LRRC7: variants seen among roughly 807,000 people sequenced by gnomAD.
The protein encoded by LRRC7 is leucine-rich repeat-containing protein 7.
In LRRC7, 23 loss-of-function variants were observed where a neutral mutation model predicts 175.7. That is an observed-to-expected ratio of 0.13 (90% CI 0.09 to 0.19). The LOEUF (loss-of-function observed/expected upper bound fraction) is 0.19, where lower values mean the gene tolerates loss of function less well. Among genes scored for constraint, LRRC7 ranks in the 10% least tolerant of loss-of-function variants. LRRC7 has a pLI of 1.00. For missense variants in LRRC7, 1,354 were observed against 1,904.7 expected (o/e 0.71, Z 5.38); for synonymous variants, 685 against 680.9 (o/e 1.01, Z -0.09).
chr1:69,730,465 T>C (rs1667451187), intron 2 of LRRC7, among the ~76,000 whole-genome samples: 1 of 152,162 alleles, frequency 6.6e-6, no homozygotes, highest in African/African-American at 2.4e-5. Context: ...AGGGACAAAA[T>C]GCCACCAGTC....
chr1:69,810,436 T>G (rs1208624317), intron 4 of LRRC7, among the ~76,000 whole-genome samples: 1 of 152,048 alleles, frequency 6.6e-6, no homozygotes, highest in Non-Finnish European at 1.5e-5. Flanking sequence ...AAATTTCATA[T>G]GGAAACAAAA....
intron 1 of LRRC7, among the ~76,000 whole-genome samples, chr1:69,647,799 C>T (rs1655215357): frequency 1.3e-5 from 2 of 152,106 alleles, no homozygotes; most frequent in Non-Finnish European, 2.9e-5. Flanking sequence ...CTTTAGACTA[C>T]ATGCTACATA....
At chr1:69,620,808 A>T (rs914346200) in intron 1 of LRRC7, among the ~76,000 whole-genome samples, 1 of 152,100 alleles carries the variant, frequency 6.6e-6, no homozygotes, top group Non-Finnish European at 1.5e-5. Flanking sequence ...ATGTAAATGC[A>T]CTTTGTTGAA....
At chr1:69,935,127 T>A (rs183062953) in intron 8 of LRRC7, among the ~76,000 whole-genome samples, 1 of 152,278 alleles carries the variant, frequency 6.6e-6, no homozygotes, top group East Asian at 1.9e-4. Flanking sequence ...TGACCCACAG[T>A]GGCAATGGGT....
chr1:69,841,530 A>G (rs1681728262), intron 7 of LRRC7, among the ~76,000 whole-genome samples: 1 of 152,112 alleles, frequency 6.6e-6, no homozygotes, highest in African/African-American at 2.4e-5. Context: ...CAATGCTGAC[A>G]TATACCAAAT....
chr1:69,865,879 A>G (rs1684901391), intron 7 of LRRC7, among the ~76,000 whole-genome samples: 1 of 152,202 alleles, frequency 6.6e-6, no homozygotes, highest in Admixed American at 6.5e-5. Context: ...CAGATTCACC[A>G]GCAGTAATGA....
intron 2 of LRRC7, among the ~76,000 whole-genome samples, chr1:69,704,612 C>A (rs1663789747): frequency 6.6e-6 from 1 of 151,760 alleles, no homozygotes; most frequent in African/African-American, 2.4e-5. Flanking sequence ...AGGGAACATA[C>A]TAAATTATTA....
chr1:69,807,040 C>A (rs574971619), intron 4 of LRRC7, among the ~76,000 whole-genome samples: 1 of 152,096 alleles, frequency 6.6e-6, no homozygotes, highest in Non-Finnish European at 1.5e-5. Context: ...GATCCCTTTA[C>A]CATTATGTAA....
intron 8 of LRRC7, among the ~76,000 whole-genome samples, chr1:69,943,997 T>G (rs1464057724): frequency 1.4e-5 from 2 of 146,460 alleles, no homozygotes; most frequent in East Asian, 4.2e-4. Context: ...CAACATGAGA[T>G]TTACCCTCTT....
intron 2 of LRRC7, among the ~76,000 whole-genome samples, chr1:69,695,189 C>A (rs1662412676): frequency 6.6e-6 from 1 of 152,114 alleles, no homozygotes; most frequent in Non-Finnish European, 1.5e-5. Flanking sequence ...TTGTTGGGAA[C>A]TGGTATAAAG....
chr1:69,681,273 G>A (rs1009449943), intron 2 of LRRC7, among the ~76,000 whole-genome samples: 5 of 152,048 alleles, frequency 3.3e-5, no homozygotes, highest in Admixed American at 1.3e-4. Flanking sequence ...TGCCACCTTC[G>A]AAAACTATCA....
intron 1 of LRRC7, among the ~76,000 whole-genome samples, chr1:69,640,911 A>G (rs1330182192): frequency 1.3e-5 from 2 of 151,706 alleles, no homozygotes; most frequent in Non-Finnish European, 3.0e-5. Flanking sequence ...TATTTCATAA[A>G]CACAATTAAG....
At chr1:69,878,544 C>A (rs934094758) in intron 7 of LRRC7, among the ~76,000 whole-genome samples, 3 of 152,042 alleles carry the variant, frequency 2.0e-5, no homozygotes, top group Admixed American at 2.0e-4. Flanking sequence ...TTTAAAAATT[C>A]TTTCTGCAGG....
rs577170615 is a variant in LRRC7, at chr1:69,963,402, A to G, written c.712-16977A>G. 2.6e-5 allele frequency among the ~76,000 whole-genome samples: 4 copies of G among 152,312 alleles called. No individual in the cohort carries two copies. In the South Asian group the frequency reaches 8.3e-4, roughly 32 times the overall value. On this transcript the variant is annotated intron_variant, in intron 8 of 26. Transcript: ENST00000651989. ...CATGATGCCTTTATGAACTGCAGAC[A>G]GTTGAGTTTTCCTTCAGGCTGGAGG...
chr1:69,678,600 G>T (rs2100604242), intron 2 of LRRC7, 122 bp downstream of exon 2: 1 of 681,462 alleles, frequency 1.5e-6, no homozygotes, highest in African/African-American at 1.8e-5. Flanking sequence ...AGTCGAGTTG[G>T]TCTTTTAAAA....
chr1:69,778,327 A>C (rs1673049237), intron 3 of LRRC7, among the ~76,000 whole-genome samples: 1 of 152,204 alleles, frequency 6.6e-6, no homozygotes, highest in African/African-American at 2.4e-5. Flanking sequence ...GAAGAAAGAC[A>C]CTAATGTGTG....
chr1:69,848,356 C>T (rs1007172773), intron 7 of LRRC7, among the ~76,000 whole-genome samples: 29 of 152,132 alleles, frequency 1.9e-4, no homozygotes, highest in Admixed American at 2.6e-4. Flanking sequence ...GCACAGTCTC[C>T]GCAGCAGTGG....
At chr1:69,608,627 T>A (rs1463617256) in intron 1 of LRRC7, among the ~76,000 whole-genome samples, 1 of 149,448 alleles carries the variant, frequency 6.7e-6, no homozygotes, top group Non-Finnish European at 1.5e-5. Context: ...CTTTACAGCT[T>A]CTTTAACAAA....
rs759644039 is a variant in LRRC7 at position 70,124,438 on chromosome 1, A to G, written c.*2551A>G. ...TTGGGAGGCTGAGGCATGAGAATCA[A>G]TCGCTTGACCTGGGAGGCGGAGGTT... On this transcript the variant is annotated 3_prime_UTR_variant, in exon 27 of 27. Transcript: ENST00000651989. Among the ~76,000 whole-genome samples, 4 of 152,112 alleles carry G rather than the reference A, an allele frequency of 2.6e-5. No homozygotes were observed. Among genetic ancestry groups the G allele is most frequent in the Non-Finnish European group, 5.9e-5 (4 of 68,010 alleles).
Sources: allele counts gnomAD v4.1 joint callset (sites outside exome capture counted in the v4.1 genomes callset), GRCh38; gene constraint gnomAD v4.1.1; transcripts MANE v1.5; gene names NCBI Gene and HGNC (gene_info 2026-07-23, HGNC 2026-07-21).